Variants in ME2 observed in about 807,000 individuals in gnomAD.
The protein encoded by ME2 is malic enzyme 2, also known as NAD-dependent malic enzyme, mitochondrial.
In ME2, 60 loss-of-function variants were observed where a neutral mutation model predicts 73.7. That is an observed-to-expected ratio of 0.81 (90% confidence interval 0.66 to 1.01). ME2 has a LOEUF of 1.01. ME2 is among the 50% of genes least tolerant of loss of function. The probability of loss-of-function intolerance (pLI) is 0.00; values close to 1 mark genes in which losing one functional copy is unlikely to be tolerated. For synonymous variants in ME2, 199 were observed against 236.9 expected, an observed-to-expected ratio of 0.84 and a Z score of 1.47; for missense variants, 594 against 705.5, an observed-to-expected ratio of 0.84 and a Z score of 1.79.
At chr18:50,913,099 C>A in intron 4 of ME2, 149 bp downstream of exon 4, 1 of 558,514 alleles carries the variant, frequency 1.8e-6, no homozygotes, top group Non-Finnish European at 3.0e-6. Context: ...AAGAGATTAA[C>A]AAAATCCCAA....
intron 1 of ME2, among the ~76,000 whole-genome samples, chr18:50,885,969 C>A (rs1448369039): frequency 6.6e-6 from 1 of 152,078 alleles, no homozygotes; most frequent in Non-Finnish European, 1.5e-5. Context: ...AGCAAATTCT[C>A]TCTCTTAAAA....
intron 9 of ME2, 82 bp downstream of exon 9, chr18:50,920,840 AAG>A (rs1917409118): frequency 9.3e-7 from 1 of 1,079,430 alleles, no homozygotes; most frequent in Non-Finnish European, 1.3e-6. Flanking sequence ...ATGTTTATGA[AAG>A]AGCATAGTGA....
intron 2 of ME2, among the ~76,000 whole-genome samples, chr18:50,899,376 G>T (rs118023746): frequency 1.3e-5 from 2 of 152,300 alleles, no homozygotes; most frequent in East Asian, 3.9e-4. Flanking sequence ...ACTTTGGGAG[G>T]CTGAGGTGGA....
chr18:50,901,280 G>A (rs779692721), intron 2 of ME2, among the ~76,000 whole-genome samples: 3 of 152,140 alleles, frequency 2.0e-5, no homozygotes, highest in Non-Finnish European at 2.9e-5. Flanking sequence ...TGAATCGTTT[G>A]CCTTCTATCT....
intron 13 of ME2, chr18:50,935,362 T>C (rs1369028442): frequency 6.6e-6 from 1 of 152,044 alleles, no homozygotes; most frequent in African/African-American, 2.4e-5. Flanking sequence ...ACAAATATGC[T>C]TATTATGTTT....
At chr18:50,894,417 A>T (rs1338531840) in intron 1 of ME2, among the ~76,000 whole-genome samples, 1 of 151,818 alleles carries the variant, frequency 6.6e-6, no homozygotes, top group Non-Finnish European at 1.5e-5. Context: ...ACAGAAAAAA[A>T]ATTAGCTGGG....
intron 10 of ME2, among the ~76,000 whole-genome samples, chr18:50,923,591 T>G (rs1444452749): frequency 6.6e-6 from 1 of 151,934 alleles, no homozygotes; most frequent in Non-Finnish European, 1.5e-5. Flanking sequence ...AAACCCCATC[T>G]CTACAAAAAA....
chr18:50,879,582 G>C (rs1192507550), intron 1 of ME2, among the ~76,000 whole-genome samples: 1 of 152,240 alleles, frequency 6.6e-6, no homozygotes, highest in Admixed American at 6.5e-5. Context: ...CCGCCGGCTG[G>C]TGCCTGGGCG....
At chr18:50,937,635 A>G (rs1202291527) in intron 13 of ME2, among the ~76,000 whole-genome samples, 2 of 152,162 alleles carry the variant, frequency 1.3e-5, no homozygotes, top group Non-Finnish European at 2.9e-5. Flanking sequence ...AAAAATTATC[A>G]ATATCCTCAG....
chr18:50,939,686 AG>A, intron 14 of ME2, 46 bp downstream of exon 14: 3 of 1,284,890 alleles, frequency 2.3e-6, no homozygotes, highest in Non-Finnish European at 3.4e-6. Context: ...TGAATTATAA[AG>A]ATGAGTAGAT....
rs1207312488 is a variant in ME2 at position 50,895,838 on chromosome 18, A to G, written c.18A>G (p.Arg6=). MLSRL[R]VVSTTCTLAC... is the part of the protein sequence containing the mutation. ...AAGAAAAGATGTTGTCCCGGTTAAG[A>G]GTAGTTTCCACCACTTGTACTTTGG... The change falls in exon 2 of 16, where the codon AGA becomes AGG. Residue 6 remains arginine, a synonymous_variant. Coordinates refer to ENST00000321341, the MANE Select transcript of ME2 (RefSeq NM_002396.5). 6.2e-7 allele frequency: 1 copy of G among 1,612,706 alleles called. No homozygotes were observed. The highest frequency in any genetic ancestry group is 1.3e-5 in the African/African-American group (1 of 74,892).
At chr18:50,909,396 C>A (rs551847016) in intron 3 of ME2, among the ~76,000 whole-genome samples, 2 of 152,248 alleles carry the variant, frequency 1.3e-5, no homozygotes, top group South Asian at 4.1e-4. Context: ...AAGGTACAAG[C>A]AGATATATTC....
At chr18:50,913,417 T>C (rs752874001) in intron 4 of ME2, among the ~76,000 whole-genome samples, 7 of 152,130 alleles carry the variant, frequency 4.6e-5, no homozygotes, top group Non-Finnish European at 1.0e-4. Flanking sequence ...CACTGCAACC[T>C]CTGCCTCCCA....
intron 12 of ME2, among the ~76,000 whole-genome samples, chr18:50,931,416 A>G (rs1358745717): frequency 6.6e-6 from 1 of 152,250 alleles, no homozygotes; most frequent in Non-Finnish European, 1.5e-5. Context: ...GACTTTTGAC[A>G]AAGTATTTGA....
At position 50,919,664 on chromosome 18, in the gene ME2, G is replaced by C. The variant is rs550909039; in HGVS notation, c.735-792G>C. ...TCATAGTAGCCTCCTAGTTGCTTCT[G>C]CCACTCCCGTCTCCCCACACCAATA... is the stretch of plus-strand genomic sequence containing the variant. On this transcript the variant is annotated intron_variant, in intron 7 of 15. Transcript: ENST00000321341. 1.3e-4 allele frequency among the ~76,000 whole-genome samples: 20 copies of C among 152,134 alleles called. No individual in the cohort carries two copies. The East Asian group carries it at 3.7e-3, about 28-fold the overall frequency.
In ME2 at chr18:50,924,082, T is replaced by G; in HGVS notation, c.1057-16T>G. 1 of 1,544,116 alleles carries G rather than the reference T, an allele frequency of 6.5e-7. No individual in the cohort carries two copies. Among genetic ancestry groups the G allele is most frequent in the South Asian group, 1.1e-5 (1 of 87,764 alleles). On this transcript the variant is annotated splice_polypyrimidine_tract_variant and intron_variant, in intron 10 of 15. Coordinates refer to ENST00000321341, the MANE Select transcript of ME2 (RefSeq NM_002396.5). ...GCATTGACTAAAAAAATACTGTATT[T>G]TATCTCAAAATTTAGGGACGGAAAG...
In ME2 at chr18:50,948,603, G is replaced by T. The variant is rs937793080; in HGVS notation, c.*1419G>T. 2.7e-5 allele frequency: 4 copies of T among 146,452 alleles called. No individual in the cohort carries two copies. In the Admixed American group the frequency reaches 2.7e-4, roughly 10 times the overall value. 9.1% of individuals were successfully genotyped at this position (146,452 alleles called of 1,614,324 possible). A position where few individuals can be genotyped will look rare whatever the true frequency, so the allele number is the denominator to read the frequency against. ...TCTGTTACCAGGCTGGAGTGCAGTG[G>T]TGTGATCTCAGCTCACTGCAACCTC... On this transcript the variant is annotated 3_prime_UTR_variant, in exon 16 of 16. Coordinates refer to ENST00000321341, the MANE Select transcript of ME2 (RefSeq NM_002396.5).
At chr18:50,932,663 C>T (rs1196342183) in intron 13 of ME2, 2 of 198,496 alleles carry the variant, frequency 1.0e-5, no homozygotes, top group East Asian at 1.4e-4. Context: ...GGTGTACCTC[C>T]TTAATCATAC....
chr18:50,921,081 T>A lies in ME2; in HGVS notation c.950T>A (p.Leu317His), dbSNP rs762411445. The change falls in exon 10 of 16, where the codon CTT becomes CAT. Residue 317 changes from leucine to histidine, a missense_variant. Leu to His is a moderately conservative substitution (Grantham distance 99). Coordinates refer to ENST00000321341, the MANE Select transcript of ME2 (RefSeq NM_002396.5). ...TTATGTTTTGTTGAACAGGCTGCTCTTGGAATTGCAAATCTTATAGTTATG... is the reference window on the plus strand; with the variant it reads ...TTATGTTTTGTTGAACAGGCTGCTCATGGAATTGCAAATCTTATAGTTATG... ...ILFLGAGEAA[L>H]GIANLIVMSM... The A allele has an allele frequency of 1.3e-6, 2 of 1,556,794 alleles. No homozygotes were observed.
Sources: gnomAD v4.1 joint callset for allele counts (sites outside exome capture counted in the v4.1 genomes callset) on GRCh38, gnomAD v4.1.1 for gene constraint, MANE v1.5 for transcripts, NCBI Gene and HGNC (gene_info 2026-07-23, HGNC 2026-07-21) for gene names.